Variants in TSC22D1 observed in about 807,000 individuals in gnomAD.
The protein encoded by TSC22D1 is TSC22 domain family member 1.
TSC22D1 carries 9 observed loss-of-function variants against 74.2 expected under a neutral mutation model. The ratio of observed to expected loss-of-function variants is 0.12; its 90% confidence interval spans 0.07 to 0.21. The LOEUF is 0.21. Ranked by LOEUF, TSC22D1 falls within the 10% of genes least tolerant of loss-of-function variation. The pLI is 1.00. For missense variants in TSC22D1, 1,427 were observed against 1,304.7 expected (o/e 1.09, Z -1.44); for synonymous variants, 586 against 492.5 (o/e 1.19, Z -2.51).
chr13:44,562,895 C>A (rs1883138999), intron 1 of TSC22D1, among the ~76,000 whole-genome samples: 1 of 152,090 alleles, frequency 6.6e-6, no homozygotes, highest in South Asian at 2.1e-4. Flanking sequence ...CACCTGAGGT[C>A]AGGAGTTCGA....
At chr13:44,553,508 T>TA (rs762126332) in intron 1 of TSC22D1, among the ~76,000 whole-genome samples, 4 of 152,232 alleles carry the variant, frequency 2.6e-5, no homozygotes, top group Non-Finnish European at 4.4e-5. Context: ...TCTAAGGAGA[T>TA]AGTTTTCGGG....
chr13:44,449,807 A>C (rs951743721), intron 1 of TSC22D1, among the ~76,000 whole-genome samples: 4 of 152,214 alleles, frequency 2.6e-5, no homozygotes, highest in Admixed American at 1.3e-4. Context: ...GGTCAACATA[A>C]TACATCTTAG....
chr13:44,551,392 GTGTGTGT>G (rs1882253493), intron 1 of TSC22D1, among the ~76,000 whole-genome samples: 2 of 60,706 alleles, frequency 3.3e-5, no homozygotes, highest in African/African-American at 1.3e-4. Flanking sequence ...TCAGATGGGT[GTGTGTGT>G]GTGTGTGTGT....
chr13:44,518,889 T>C (rs1880174900), intron 1 of TSC22D1, among the ~76,000 whole-genome samples: 1 of 152,196 alleles, frequency 6.6e-6, no homozygotes, highest in South Asian at 2.1e-4. Flanking sequence ...ACCTGAGAGT[T>C]CTGAAAGTGG....
intron 1 of TSC22D1, among the ~76,000 whole-genome samples, chr13:44,483,883 T>C (rs1878306440): frequency 6.6e-6 from 1 of 152,186 alleles, no homozygotes; most frequent in Admixed American, 6.5e-5. Flanking sequence ...TAACAGTAGA[T>C]GGCGCTAATA....
chr13:44,456,041 A>C (rs562806058), intron 1 of TSC22D1, among the ~76,000 whole-genome samples: 114 of 152,300 alleles, frequency 7.5e-4, no homozygotes, highest in African/African-American at 2.7e-3. Flanking sequence ...ACCCAATCTT[A>C]CTCAACTGAA....
intron 1 of TSC22D1, among the ~76,000 whole-genome samples, chr13:44,456,484 C>G (rs898119563): frequency 6.6e-6 from 1 of 152,124 alleles, no homozygotes; most frequent in Non-Finnish European, 1.5e-5. Flanking sequence ...AAACCTTTAG[C>G]TAGACACAGA....
chr13:44,500,483 C>A (rs1238666579), intron 1 of TSC22D1, among the ~76,000 whole-genome samples: 1 of 152,134 alleles, frequency 6.6e-6, no homozygotes, highest in Non-Finnish European at 1.5e-5. Flanking sequence ...ATTTTTCATT[C>A]TCTTTGAGCC....
intron 1 of TSC22D1, among the ~76,000 whole-genome samples, chr13:44,499,210 A>G (rs1879113569): frequency 6.6e-6 from 1 of 152,182 alleles, no homozygotes; most frequent in Admixed American, 6.5e-5. Flanking sequence ...TTGGCATTAG[A>G]TAATATGCTG....
chr13:44,539,783 C>A (rs1487037251), intron 1 of TSC22D1: 1 of 1,285,898 alleles, frequency 7.8e-7, no homozygotes, highest in African/African-American at 1.5e-5. Flanking sequence ...ATTATCCTTT[C>A]CCACTCTCTC....
At chr13:44,516,815 C>T (rs977614588) in intron 1 of TSC22D1, among the ~76,000 whole-genome samples, 45 of 152,314 alleles carry the variant, frequency 3.0e-4, no homozygotes, top group African/African-American at 1.0e-3. Flanking sequence ...TTTCTGGAAA[C>T]AGCAACACTA....
chr13:44,564,415 C>G (rs1438239475), intron 1 of TSC22D1, among the ~76,000 whole-genome samples: 2 of 152,008 alleles, frequency 1.3e-5, no homozygotes, highest in African/African-American at 2.4e-5. Flanking sequence ...AACAAACAAC[C>G]TAAGTTTAGA....
intron 1 of TSC22D1, among the ~76,000 whole-genome samples, chr13:44,501,568 G>A (rs2137984095): frequency 6.6e-6 from 1 of 152,294 alleles, no homozygotes; most frequent in South Asian, 2.1e-4. Context: ...AGGCCGGGTG[G>A]AGGGGGTAGC....
chr13:44,462,330 T>C (rs899532344), intron 1 of TSC22D1, among the ~76,000 whole-genome samples: 64 of 152,364 alleles, frequency 4.2e-4, no homozygotes, highest in African/African-American at 1.5e-3. Flanking sequence ...GGAAAGGTGC[T>C]GGACCATAGA....
chr13:44,493,616 A>G (rs758104393), intron 1 of TSC22D1, among the ~76,000 whole-genome samples: 2 of 152,192 alleles, frequency 1.3e-5, no homozygotes, highest in African/African-American at 2.4e-5. Flanking sequence ...TGCCCGTGGT[A>G]GGATGCATAT....
At chr13:44,465,483 C>T (rs925537093) in intron 1 of TSC22D1, among the ~76,000 whole-genome samples, 2 of 152,182 alleles carry the variant, frequency 1.3e-5, no homozygotes, top group Non-Finnish European at 1.5e-5. Flanking sequence ...TGTTCAGGCT[C>T]ATGCCTCAGA....
intron 1 of TSC22D1, among the ~76,000 whole-genome samples, chr13:44,447,319 A>G (rs1178423121): frequency 6.6e-6 from 1 of 152,170 alleles, no homozygotes; most frequent in Non-Finnish European, 1.5e-5. Flanking sequence ...ATTTTAAACT[A>G]AAAGAAAAAA....
intron 1 of TSC22D1, chr13:44,516,462 C>G (rs1211159145): frequency 3.7e-6 from 1 of 269,764 alleles, no homozygotes; most frequent in Non-Finnish European, 7.1e-6. Context: ...CTTATGGAAA[C>G]TAGCCACATG....
At chr13:44,443,228 A>G (rs1875352520) in intron 1 of TSC22D1, among the ~76,000 whole-genome samples, 1 of 152,058 alleles carries the variant, frequency 6.6e-6, no homozygotes, top group Non-Finnish European at 1.5e-5. Context: ...TGCTATGTAC[A>G]GAGCAACAAA....
Sources: allele counts gnomAD v4.1 joint callset (sites outside exome capture counted in the v4.1 genomes callset), GRCh38; gene constraint gnomAD v4.1.1; transcripts MANE v1.5; gene names NCBI Gene and HGNC (gene_info 2026-07-23, HGNC 2026-07-21).